The following SORCS1 variants were observed in gnomAD, a reference collection of about 807,000 sequenced individuals.
SORCS1 encodes VPS10 domain-containing receptor SorCS1.
SORCS1 carries 60 observed loss-of-function variants against 146.1 expected under a neutral mutation model. The observed-to-expected ratio is 0.41, with a 90% CI of 0.33 to 0.51. The LOEUF is 0.51. Among genes scored for constraint, SORCS1 ranks in the 20% least tolerant of loss-of-function variants. The pLI is 0.21. For synonymous variants in SORCS1, 637 were observed against 584.0 expected (o/e 1.09, Z -1.31); for missense variants, 1,352 against 1,487.6 (o/e 0.91, Z 1.50).
chr10:106,814,770 C>T (rs1434492516), intron 3 of SORCS1, among the ~76,000 whole-genome samples: 1 of 151,722 alleles, frequency 6.6e-6, no homozygotes, highest in East Asian at 2.0e-4. Context: ...AAAAAATTAG[C>T]CAGGCGTGGT....
intron 1 of SORCS1, among the ~76,000 whole-genome samples, chr10:107,034,680 CA>C (rs553032484): frequency 0.014 from 198 of 13,782 alleles, no homozygotes; most frequent in African/African-American, 0.048. Flanking sequence ...AACTCCATCT[CA>C]AAAAAAAAAA....
intron 3 of SORCS1, among the ~76,000 whole-genome samples, chr10:106,823,010 C>G (rs1236627757): frequency 2.0e-5 from 3 of 151,860 alleles, no homozygotes; most frequent in South Asian, 2.1e-4. Context: ...CTCAAACTCC[C>G]GACCTCAGGT....
the SORCS1 span, among the ~76,000 whole-genome samples, chr10:107,178,669 A>C: frequency 2.0e-5 from 3 of 151,948 alleles, no homozygotes; most frequent in Non-Finnish European, 4.4e-5. Flanking sequence ...TTGCATTTTT[A>C]GTAGAGATAG....
At chr10:106,711,448 G>A (rs1428603426) in intron 6 of SORCS1, among the ~76,000 whole-genome samples, 2 of 152,160 alleles carry the variant, frequency 1.3e-5, no homozygotes, top group African/African-American at 4.8e-5. Flanking sequence ...AGGCGGAATT[G>A]TCCAGGACCA....
At position 107,133,857 on chromosome 10, in the gene SORCS1, T is replaced by C. The variant is rs77288690; in HGVS notation, c.558+30112A>G. Among the ~76,000 whole-genome samples, 246 of 152,346 alleles carry C rather than the reference T, an allele frequency of 1.6e-3. 7 individuals are homozygous for C. In the East Asian group the frequency reaches 0.045, roughly 28 times the overall value. On this transcript the variant is annotated intron_variant, in intron 1 of 25. Transcript: ENST00000263054. Reference sequence around the variant, plus strand: ...ATCCCCAGCTTTCAACTTTAGATTTTCTTCTGTCTTTTCTGTCTGTCTAAC... The same window carrying C: ...ATCCCCAGCTTTCAACTTTAGATTTCCTTCTGTCTTTTCTGTCTGTCTAAC...
intron 1 of SORCS1, among the ~76,000 whole-genome samples, chr10:106,981,555 C>A (rs1956245918): frequency 6.6e-6 from 1 of 152,104 alleles, no homozygotes; most frequent in South Asian, 2.1e-4. Context: ...TCTCATACAA[C>A]CAACATTCTT....
intron 8 of SORCS1, among the ~76,000 whole-genome samples, chr10:106,701,114 T>G (rs1854107144): frequency 6.6e-6 from 1 of 152,208 alleles, no homozygotes; most frequent in Non-Finnish European, 1.5e-5. Context: ...CTGGATTACT[T>G]ACAATACCTA....
chr10:107,092,060 A>G (rs1233027824), intron 1 of SORCS1, among the ~76,000 whole-genome samples: 1 of 152,250 alleles, frequency 6.6e-6, no homozygotes, highest in Non-Finnish European at 1.5e-5. Context: ...AAGAATATTG[A>G]AAGTTGATTT....
At chr10:106,647,197 A>G (rs1849513973) in intron 18 of SORCS1, among the ~76,000 whole-genome samples, 1 of 151,846 alleles carries the variant, frequency 6.6e-6, no homozygotes, top group African/African-American at 2.4e-5. Flanking sequence ...ATTCAAGTCA[A>G]TATGAAGAAA....
At chr10:107,126,943 G>A (rs1268878653) in intron 1 of SORCS1, among the ~76,000 whole-genome samples, 3 of 152,076 alleles carry the variant, frequency 2.0e-5, no homozygotes, top group African/African-American at 7.2e-5. Context: ...AACAGCAAGG[G>A]AACAGCATAC....
At chr10:106,852,487 G>A (rs1031731440) in intron 2 of SORCS1, among the ~76,000 whole-genome samples, 1 of 151,918 alleles carries the variant, frequency 6.6e-6, no homozygotes, top group Non-Finnish European at 1.5e-5. Context: ...AATTAGCTGG[G>A]CATGGTGTTG....
At chr10:106,921,568 CA>C (rs1437578425) in intron 2 of SORCS1, among the ~76,000 whole-genome samples, 1 of 152,102 alleles carries the variant, frequency 6.6e-6, no homozygotes, top group African/African-American at 2.4e-5. Flanking sequence ...CATTTAATAA[CA>C]AATGTTATTA....
Position 106,629,357 on chromosome 10 carries a change from T to C in SORCS1, c.2507A>G (p.Asp836Gly), listed in dbSNP as rs775152920. ...GDVQRTLIQV[D>G]FGDGIAVSYV... ...AGACACCGCGATACCATCGCCAAAG[T>C]CCACTTGGATGAGTGTCCGCTGAAC... is the stretch of plus-strand genomic sequence containing the variant. The change falls in exon 19 of 26, where the codon GAC (aspartate) becomes GGC (glycine). Residue 836 changes from aspartate (D) to glycine (G), a missense_variant. Coordinates refer to ENST00000263054, the MANE Select transcript of SORCS1 (RefSeq NM_052918.5). 2 of 1,613,950 alleles carry C rather than the reference T, an allele frequency of 1.2e-6. No homozygotes were observed. The highest frequency in any genetic ancestry group is 2.7e-5 in the African/African-American group (2 of 74,918).
intron 2 of SORCS1, among the ~76,000 whole-genome samples, chr10:106,853,393 C>A (rs896089313): frequency 5.1e-5 from 7 of 137,604 alleles, no homozygotes; most frequent in African/African-American, 1.8e-4. Flanking sequence ...TATCCATTTT[C>A]TTGATTTTTT....
chr10:106,790,810 T>C (rs144226034), intron 3 of SORCS1, among the ~76,000 whole-genome samples: 2 of 152,222 alleles, frequency 1.3e-5, no homozygotes, highest in African/African-American at 4.8e-5. Context: ...TAGGTATGAA[T>C]CTTTGTGTCA....
chr10:106,992,382 A>G (rs1956802380), intron 1 of SORCS1, among the ~76,000 whole-genome samples: 1 of 152,222 alleles, frequency 6.6e-6, no homozygotes, highest in Non-Finnish European at 1.5e-5. Flanking sequence ...GAGTAAAAAA[A>G]TACCATACAT....
intron 24 of SORCS1, among the ~76,000 whole-genome samples, chr10:106,589,235 C>T (rs1472906784): frequency 6.6e-6 from 1 of 152,146 alleles, no homozygotes; most frequent in Admixed American, 6.6e-5. Context: ...AGGAGGTATC[C>T]ATCTAGTTAG....
Position 106,765,384 on chromosome 10 carries a change from T to A in SORCS1, c.886-3723A>T, listed in dbSNP as rs567729643. Among the ~76,000 whole-genome samples the A allele has an allele frequency of 2.0e-5, 3 of 152,158 alleles. No individual in the cohort carries two copies. In the South Asian group the frequency reaches 6.2e-4, roughly 32 times the overall value. On this transcript the variant is annotated intron_variant, in intron 4 of 25. Transcript: ENST00000263054. ...TCCTCTCCTGAAGGGTTTTTTTTTTTAAGACATCTTTCACATTGGCTTGTT... is the reference window on the plus strand; with the variant it reads ...TCCTCTCCTGAAGGGTTTTTTTTTTAAAGACATCTTTCACATTGGCTTGTT...
At position 106,876,755 on chromosome 10, in the gene SORCS1, G is replaced by A. The variant is rs117053976; in HGVS notation, c.627-47082C>T. Among the ~76,000 whole-genome samples the A allele has an allele frequency of 9.1e-4, 138 of 152,260 alleles. 2 individuals are homozygous for A. In the East Asian group the frequency reaches 0.021, roughly 24 times the overall value. On this transcript the variant is annotated intron_variant, in intron 2 of 25. Coordinates refer to ENST00000263054, the MANE Select transcript of SORCS1 (RefSeq NM_052918.5). ...GTCTCCAGGACTCATTACTTAATTCGTTCAGTCTTCAGCTCTTTATTATAT... is the reference window on the plus strand; with the variant it reads ...GTCTCCAGGACTCATTACTTAATTCATTCAGTCTTCAGCTCTTTATTATAT...
Sources: allele counts gnomAD v4.1 joint callset (sites outside exome capture counted in the v4.1 genomes callset), GRCh38; gene constraint gnomAD v4.1.1; transcripts MANE v1.5; gene names NCBI Gene and HGNC (gene_info 2026-07-23, HGNC 2026-07-21).